The following LRRK2 variants were observed in gnomAD, a reference collection of about 807,000 sequenced individuals.
LRRK2 encodes the protein leucine rich repeat kinase 2.
A neutral mutation model predicts 302.6 loss-of-function variants in LRRK2; 203 were observed. That is an observed-to-expected ratio of 0.67 (90% CI 0.60 to 0.75). LRRK2 has a LOEUF of 0.75. Ranked by LOEUF, LRRK2 falls within the 30% of genes least tolerant of loss-of-function variation. The pLI is 0.00. For synonymous variants in LRRK2, 1,066 were observed against 1,031.9 expected (o/e 1.03, Z -0.63); for missense variants, 2,830 against 2,951.0 (o/e 0.96, Z 0.95).
chr12:40,338,649 A>G (rs1288800794), intron 40 of LRRK2, among the ~76,000 whole-genome samples: 2 of 152,210 alleles, frequency 1.3e-5, no homozygotes, highest in Non-Finnish European at 2.9e-5. Flanking sequence ...ATAATTGAAC[A>G]TTTTAACTAA....
intron 41 of LRRK2, among the ~76,000 whole-genome samples, chr12:40,340,891 G>C (rs1324536314): frequency 1.3e-5 from 2 of 152,150 alleles, no homozygotes; most frequent in African/African-American, 4.8e-5. Flanking sequence ...TGACTAATTT[G>C]GTGTCAAAAC....
At chr12:40,346,959 T>C in intron 42 of LRRK2, 36 bp downstream of exon 42, 1 of 1,552,246 alleles carries the variant, frequency 6.4e-7, no homozygotes. Flanking sequence ...AGATTTTTTT[T>C]CTTAATATCA....
chr12:40,349,608 A>G (rs1240568538), intron 43 of LRRK2, among the ~76,000 whole-genome samples: 1 of 151,894 alleles, frequency 6.6e-6, no homozygotes, highest in Admixed American at 6.6e-5. Context: ...TGCAGCTTTG[A>G]CCTCCTGGGC....
intron 14 of LRRK2, among the ~76,000 whole-genome samples, chr12:40,269,895 G>A (rs1943164909): frequency 6.6e-6 from 1 of 151,978 alleles, no homozygotes; most frequent in Admixed American, 6.6e-5. Flanking sequence ...CAAAGTATAT[G>A]TTTGCTTTTA....
rs968937151 is a variant in LRRK2, at chr12:40,298,268, A to T, written c.3122A>T (p.Asp1041Val). Reference sequence around the variant, plus strand: ...ACTCTGAAGAGTTTGACACATTTGGACTTGCACAGTAATAAATTTACATCA... The same window carrying T: ...ACTCTGAAGAGTTTGACACATTTGGTCTTGCACAGTAATAAATTTACATCA... ...CETLKSLTHL[D>V]LHSNKFTSFP... is the part of the protein sequence containing the mutation. The change falls in exon 24 of 51, where the codon GAC becomes GTC. Residue 1041 changes from aspartate (D) to valine (V), a missense_variant. Physicochemically the swap from Asp to Val is radical, Grantham distance 152. Around this residue, in one of 3 missense-constraint regions of LRRK2, gnomAD observed 2,121 missense variants for 2,148.0 expected, o/e 0.99. Coordinates refer to ENST00000298910, the MANE Select transcript of LRRK2 (RefSeq NM_198578.4). The T allele has an allele frequency of 1.9e-6, 3 of 1,613,506 alleles. No individual in the cohort carries two copies. The highest frequency in any genetic ancestry group is 8.5e-7 in the Non-Finnish European group (1 of 1,179,868).
At chr12:40,354,714 GC>G (rs1207521685) in intron 45 of LRRK2, among the ~76,000 whole-genome samples, 1 of 152,008 alleles carries the variant, frequency 6.6e-6, no homozygotes, top group Non-Finnish European at 1.5e-5. Flanking sequence ...ATTTATTCAG[GC>G]CTACCAGCCC....
At chr12:40,263,508 G>T (rs1053647967) in intron 13 of LRRK2, among the ~76,000 whole-genome samples, 2 of 148,422 alleles carry the variant, frequency 1.3e-5, no homozygotes, top group Non-Finnish European at 2.9e-5. Context: ...ACAAAAAAGT[G>T]ATTGTTTGCT....
intron 16 of LRRK2, among the ~76,000 whole-genome samples, chr12:40,277,347 G>A (rs1398423779): frequency 2.0e-5 from 3 of 152,150 alleles, no homozygotes; most frequent in Non-Finnish European, 2.9e-5. Context: ...AATCCTCAGA[G>A]TGCCCTCAGC....
Position 40,259,746 on chromosome 12 carries a change from G to A in LRRK2, c.1543+142G>A, listed in dbSNP as rs1592176613. 9.0e-6 allele frequency: 9 copies of A among 1,000,268 alleles called. No individual in the cohort carries two copies. In the Admixed American group the frequency reaches 2.0e-4, roughly 22 times the overall value. 62.0% of individuals were successfully genotyped at this position (1,000,268 alleles called of 1,614,324 possible). On this transcript the variant is annotated intron_variant, in intron 13 of 50. Transcript: ENST00000298910. ...AAATCTTTCTGTTAAACCAAAAAGA[G>A]GTTAAATATGATGCAGAAGAGTCAC...
intron 21 of LRRK2, 72 bp from the exon 22 acceptor site, chr12:40,294,773 G>A (rs531276990): frequency 2.3e-6 from 2 of 883,500 alleles, no homozygotes; most frequent in African/African-American, 1.7e-5. Flanking sequence ...AAATTTCATG[G>A]TTCCTTCCTT....
chr12:40,241,712 A>G (rs1273430789), intron 6 of LRRK2, among the ~76,000 whole-genome samples: 1 of 152,216 alleles, frequency 6.6e-6, no homozygotes, highest in African/African-American at 2.4e-5. Flanking sequence ...TGTATACTAT[A>G]TGTAATTGCA....
At chr12:40,362,645 G>A (rs181361882) in intron 47 of LRRK2, among the ~76,000 whole-genome samples, 37 of 152,138 alleles carry the variant, frequency 2.4e-4, no homozygotes, top group African/African-American at 8.9e-4. Flanking sequence ...TATTTTGATA[G>A]GTCAGGGAAG....
rs764467387 is a variant in LRRK2, at chr12:40,367,096, C to A, written c.7462+19C>A. 1 of 1,587,684 alleles carries A rather than the reference C, an allele frequency of 6.3e-7. No individual in the cohort carries two copies. Among genetic ancestry groups the A allele is most frequent in the South Asian group, 1.1e-5 (1 of 90,490 alleles). On this transcript the variant is annotated intron_variant, in intron 50 of 50. Coordinates refer to ENST00000298910, the MANE Select transcript of LRRK2 (RefSeq NM_198578.4). ...CAGAAAGGTAACATTTAGAAGGATA[C>A]TGTTTTCCAAACAGGGCAATGATGT...
At chr12:40,236,582 T>C (rs1941476700) in intron 4 of LRRK2, among the ~76,000 whole-genome samples, 1 of 152,008 alleles carries the variant, frequency 6.6e-6, no homozygotes, top group Non-Finnish European at 1.5e-5. Context: ...TTTCCTTCCA[T>C]GTAGGGGAGG....
chr12:40,264,886 A>G (rs780690004), intron 14 of LRRK2, among the ~76,000 whole-genome samples: 6 of 152,230 alleles, frequency 3.9e-5, no homozygotes, highest in Non-Finnish European at 8.8e-5. Context: ...GAAATTTTGC[A>G]TAAGATGAAT....
chr12:40,321,309 T>A, intron 35 of LRRK2, 121 bp downstream of exon 35: 1 of 979,126 alleles, frequency 1.0e-6, no homozygotes, highest in South Asian at 1.6e-5. Flanking sequence ...AGAGTTTACT[T>A]GTTTGGAAGG....
At chr12:40,272,509 A>G (rs375402165) in intron 14 of LRRK2, among the ~76,000 whole-genome samples, 1 of 152,206 alleles carries the variant, frequency 6.6e-6, no homozygotes, top group East Asian at 1.9e-4. Flanking sequence ...AGTTCTTAAA[A>G]GAATGTCTGG....
chr12:40,273,149 A>G (rs1247511291), intron 14 of LRRK2, among the ~76,000 whole-genome samples: 3 of 152,150 alleles, frequency 2.0e-5, no homozygotes, highest in Non-Finnish European at 4.4e-5. Flanking sequence ...CACTTTGCAC[A>G]ACTTTGAATT....
chr12:40,238,373 TG>T (rs1941568374), intron 5 of LRRK2, among the ~76,000 whole-genome samples: 2 of 152,080 alleles, frequency 1.3e-5, no homozygotes, highest in African/African-American at 2.4e-5. Flanking sequence ...CTTTGAAAAC[TG>T]GATGTGTGGG....
Sources: gnomAD v4.1 joint callset for allele counts (sites outside exome capture counted in the v4.1 genomes callset) on GRCh38, gnomAD v4.1.1 for gene constraint, gnomAD v4.1.1 regional missense constraint, MANE v1.5 for transcripts, NCBI Gene and HGNC (gene_info 2026-07-23, HGNC 2026-07-21) for gene names.